The following SMAP1 variants were observed in gnomAD, a reference collection of about 807,000 sequenced individuals.
The protein encoded by SMAP1 is stromal membrane-associated protein 1.
In SMAP1, 24 loss-of-function variants were observed where a neutral mutation model predicts 58.5. The observed-to-expected ratio is 0.41, with a 90% CI of 0.30 to 0.58. SMAP1 has a LOEUF of 0.58. Ranked by LOEUF, SMAP1 falls within the 20% of genes least tolerant of loss-of-function variation. The pLI is 0.29. For synonymous variants in SMAP1, 216 were observed against 196.6 expected (o/e 1.10, Z -0.82); for missense variants, 563 against 566.3 (o/e 0.99, Z 0.06).
chr6:70,714,495 C>A (rs759551214), intron 1 of SMAP1, among the ~76,000 whole-genome samples: 7 of 151,792 alleles, frequency 4.6e-5, no homozygotes, highest in Admixed American at 1.3e-4. Context: ...CCTTTCTTAC[C>A]CTCAAATTAT....
At chr6:70,792,675 A>G (rs1417239164) in intron 5 of SMAP1, among the ~76,000 whole-genome samples, 1 of 152,130 alleles carries the variant, frequency 6.6e-6, no homozygotes, top group Non-Finnish European at 1.5e-5. Context: ...GAAAAAACAT[A>G]TGGGCAAAGT....
At chr6:70,797,191 A>G (rs979145303) in intron 5 of SMAP1, among the ~76,000 whole-genome samples, 3 of 152,206 alleles carry the variant, frequency 2.0e-5, no homozygotes, top group African/African-American at 7.2e-5. Context: ...ACTAAGATGT[A>G]AATTTTTCCT....
intron 1 of SMAP1, among the ~76,000 whole-genome samples, chr6:70,711,735 C>T (rs1404977607): frequency 6.6e-6 from 1 of 152,078 alleles, no homozygotes; most frequent in Non-Finnish European, 1.5e-5. Context: ...ACTATGTTGG[C>T]CAGGCTGGTC....
chr6:70,773,270 C>G, intron 3 of SMAP1, 80 bp from the exon 4 acceptor site: 1 of 815,188 alleles, frequency 1.2e-6, no homozygotes, highest in South Asian at 1.7e-5. Flanking sequence ...TTTAGAGTCC[C>G]AGCTTTGTGG....
intron 1 of SMAP1, among the ~76,000 whole-genome samples, chr6:70,724,464 G>GGGATT (rs1162564361): frequency 2.0e-5 from 3 of 152,210 alleles, no homozygotes; most frequent in Admixed American, 2.0e-4. Flanking sequence ...CCAGAGTGCT[G>GGGATT]GGATTACAGG....
At chr6:70,801,741 A>C (rs974963033) in intron 6 of SMAP1, among the ~76,000 whole-genome samples, 61 of 152,344 alleles carry the variant, frequency 4.0e-4, no homozygotes, top group African/African-American at 1.3e-3. Context: ...ATGGCTAGCC[A>C]GTTTTCCCAG....
intron 1 of SMAP1, among the ~76,000 whole-genome samples, chr6:70,674,780 C>G (rs1719300817): frequency 6.6e-6 from 1 of 151,932 alleles, no homozygotes; most frequent in Non-Finnish European, 1.5e-5. Flanking sequence ...TTGAGGCCAC[C>G]CCTGGCCAAC....
chr6:70,724,148 T>TG (rs973073612), intron 1 of SMAP1, among the ~76,000 whole-genome samples: 4 of 151,280 alleles, frequency 2.6e-5, no homozygotes, highest in South Asian at 2.1e-4. Flanking sequence ...AGGTTTTTTT[T>TG]TTGTTGTTGT....
chr6:70,768,176 A>G (rs932029496), intron 3 of SMAP1, among the ~76,000 whole-genome samples: 3 of 152,190 alleles, frequency 2.0e-5, no homozygotes, highest in African/African-American at 7.2e-5. Flanking sequence ...GGATTTTTGC[A>G]TCAATGTTCA....
At chr6:70,809,276 T>A (rs957411100) in intron 6 of SMAP1, among the ~76,000 whole-genome samples, 1 of 152,120 alleles carries the variant, frequency 6.6e-6, no homozygotes, top group Non-Finnish European at 1.5e-5. Flanking sequence ...AAGGAGATAA[T>A]GTAGATGAAT....
chr6:70,677,737 T>C lies in SMAP1; in HGVS notation c.118+9596T>C, dbSNP rs1209087420. Among the ~76,000 whole-genome samples the C allele has an allele frequency of 5.3e-5, 8 of 152,198 alleles. No homozygotes were observed. In the East Asian group the frequency reaches 1.3e-3, roughly 26 times the overall value. Reference sequence around the variant, plus strand: ...ATTGTCATCAAACTTTTATAGTTTTTATTTAAAGCTTTTCACTGATGATTT... The same window carrying C: ...ATTGTCATCAAACTTTTATAGTTTTCATTTAAAGCTTTTCACTGATGATTT... On this transcript the variant is annotated intron_variant, in intron 1 of 10. Coordinates refer to ENST00000370455, the MANE Select transcript of SMAP1 (RefSeq NM_001044305.3).
chr6:70,766,195 A>G (rs1582140139), intron 3 of SMAP1, among the ~76,000 whole-genome samples: 1 of 152,098 alleles, frequency 6.6e-6, no homozygotes, highest in Non-Finnish European at 1.5e-5. Context: ...GAATAGTGCC[A>G]CAATAAACAT....
At chr6:70,753,570 C>T (rs1766366218) in intron 2 of SMAP1, among the ~76,000 whole-genome samples, 2 of 152,116 alleles carry the variant, frequency 1.3e-5, no homozygotes, top group African/African-American at 2.4e-5. Flanking sequence ...GTGAGCTATA[C>T]TGAAATTTTC....
chr6:70,744,361 C>CA (rs1406773081), intron 2 of SMAP1, among the ~76,000 whole-genome samples: 1 of 151,718 alleles, frequency 6.6e-6, no homozygotes, highest in Non-Finnish European at 1.5e-5. Context: ...GTGTGATGTT[C>CA]CCCACACTGT....
At chr6:70,718,877 T>C (rs1293878323) in intron 1 of SMAP1, among the ~76,000 whole-genome samples, 1 of 149,764 alleles carries the variant, frequency 6.7e-6, no homozygotes, top group Non-Finnish European at 1.5e-5. Context: ...ACTAGAGATA[T>C]GCCACATTTT....
chr6:70,860,320 C>A lies in SMAP1; in HGVS notation c.1390C>A (p.Gln464Lys). 6.2e-7 allele frequency: 1 copy of A among 1,607,882 alleles called. No individual in the cohort carries two copies. The highest frequency in any genetic ancestry group is 8.5e-7 in the Non-Finnish European group (1 of 1,178,338). Residue 464 changes from glutamine (Q) to lysine (K), a missense_variant, in exon 11 of 11, where the codon CAA (glutamine) becomes AAA (lysine). Transcript: ENST00000370455. ...CTCATCAGGTCAGACTCTCAGCACA[C>A]AACTGTGGAAATGAAAACTGCAATA... ...GSSSGQTLST[Q>K]LWK
chr6:70,804,108 GT>G (rs1769002603), intron 6 of SMAP1, among the ~76,000 whole-genome samples: 1 of 152,008 alleles, frequency 6.6e-6, no homozygotes, highest in Admixed American at 6.6e-5. Flanking sequence ...TCCCATTATT[GT>G]TTTGTGAGAG....
chr6:70,785,951 A>G (rs1174209600), intron 4 of SMAP1, among the ~76,000 whole-genome samples: 1 of 151,722 alleles, frequency 6.6e-6, no homozygotes, highest in Non-Finnish European at 1.5e-5. Context: ...AACTCATTTT[A>G]TGAGGCCAGC....
chr6:70,680,501 C>A (rs1248615782), intron 1 of SMAP1, among the ~76,000 whole-genome samples: 9 of 152,068 alleles, frequency 5.9e-5, no homozygotes. Flanking sequence ...ATGTTCATAG[C>A]AGCATTATTC....
Sources: gnomAD v4.1 joint callset for allele counts (sites outside exome capture counted in the v4.1 genomes callset) on GRCh38, gnomAD v4.1.1 for gene constraint, MANE v1.5 for transcripts, NCBI Gene and HGNC (gene_info 2026-07-23, HGNC 2026-07-21) for gene names.